SIPA1L2: variants seen among roughly 807,000 people sequenced by gnomAD.
SIPA1L2 encodes signal-induced proliferation-associated 1-like protein 2.
Under a neutral mutation model 163.9 loss-of-function variants are expected in SIPA1L2, and 56 were observed. The observed-to-expected ratio is 0.34, with a 90% CI of 0.28 to 0.43. The LOEUF (loss-of-function observed/expected upper bound fraction) is 0.43, where lower values mean the gene tolerates loss of function less well. SIPA1L2 is among the 20% of genes least tolerant of loss of function. The pLI is 1.00. For missense variants in SIPA1L2, 1,974 were observed against 2,193.5 expected (o/e 0.90, Z 2.00); for synonymous variants, 877 against 865.7 (o/e 1.01, Z -0.23).
At chr1:232,447,481 C>T (rs1536324) in intron 10 of SIPA1L2, among the ~76,000 whole-genome samples, 16,994 of 152,256 alleles carry the variant, frequency 0.11, 2,105 homozygotes, top group East Asian at 0.55. Context: ...GGATGGCAAG[C>T]CATGGTACAA....
At chr1:232,421,314 G>A (rs754770035) in intron 18 of SIPA1L2, among the ~76,000 whole-genome samples, 76 of 152,186 alleles carry the variant, frequency 5.0e-4, no homozygotes, top group Admixed American at 9.8e-4. Context: ...TCTGGCTTGC[G>A]CACCTGCTCA....
Position 232,445,700 on chromosome 1 carries a change from C to T in SIPA1L2, c.3182G>A (p.Arg1061Lys), listed in dbSNP as rs1167502799. Residue 1061 changes from arginine (R) to lysine (K), a missense_variant, in exon 11 of 23, where the codon AGG becomes AAG. Around this residue, in one of 3 missense-constraint regions of SIPA1L2, gnomAD observed 1,079 missense variants for 1,150.7 expected, o/e 0.94. Coordinates refer to ENST00000674635, the MANE Select transcript of SIPA1L2 (RefSeq NM_020808.5). The stretch of plus-strand genomic sequence containing the variant: ...CACCCGGTGCCACGTGGTGTTCCTC[C>T]TGAAGGGGGTTTTATACTCGCAGGG... ...GTPCEYKTPF[R>K]RNTTWHRVPT... 3 of 1,613,548 alleles carry T rather than the reference C, an allele frequency of 1.9e-6. No individual in the cohort carries two copies. Among genetic ancestry groups the T allele is most frequent in the Non-Finnish European group, 2.5e-6 (3 of 1,179,860 alleles).
intron 19 of SIPA1L2, among the ~76,000 whole-genome samples, chr1:232,412,311 G>A (rs903944505): frequency 6.6e-6 from 1 of 152,134 alleles, no homozygotes; most frequent in Non-Finnish European, 1.5e-5. Flanking sequence ...CAATCCAATA[G>A]GCAGGTAAAT....
At chr1:232,576,618 G>A (rs546112241) in intron 1 of SIPA1L2, among the ~76,000 whole-genome samples, 3 of 152,252 alleles carry the variant, frequency 2.0e-5, no homozygotes, top group Admixed American at 6.5e-5. Flanking sequence ...TAAAAAACCA[G>A]AAGCAATTAA....
At chr1:232,559,977 C>A (rs1011873101) in intron 2 of SIPA1L2, among the ~76,000 whole-genome samples, 1 of 152,172 alleles carries the variant, frequency 6.6e-6, no homozygotes, top group African/African-American at 2.4e-5. Context: ...CGTCTGGAAA[C>A]AAATTTCCTT....
At chr1:232,515,681 C>T (rs549533295) in intron 2 of SIPA1L2, 73 bp from the exon 3 acceptor site, 28 of 222,280 alleles carry the variant, frequency 1.3e-4, no homozygotes, top group Non-Finnish European at 1.9e-4. Flanking sequence ...TGATAAATTT[C>T]GTATCTGTCT....
At chr1:232,461,237 G>A in intron 9 of SIPA1L2, 76 bp from the exon 10 acceptor site, 1 of 1,550,748 alleles carries the variant, frequency 6.4e-7, no homozygotes, top group South Asian at 1.2e-5. Context: ...GTGCACGTAT[G>A]GGCCTCCATG....
At chr1:232,411,954 C>T (rs973841263) in intron 19 of SIPA1L2, among the ~76,000 whole-genome samples, 4 of 152,140 alleles carry the variant, frequency 2.6e-5, no homozygotes, top group Non-Finnish European at 4.4e-5. Context: ...GGTCTGGAAA[C>T]ACGCCTCCTT....
At chr1:232,597,679 A>G (rs1217906083) in intron 1 of SIPA1L2, among the ~76,000 whole-genome samples, 26 of 127,444 alleles carry the variant, frequency 2.0e-4, no homozygotes, top group East Asian at 4.5e-4. Context: ...GACAGAGCGA[A>G]ACTCTGTCTC....
chr1:232,477,148 A>G (rs1164147511), intron 7 of SIPA1L2, among the ~76,000 whole-genome samples: 1 of 152,196 alleles, frequency 6.6e-6, no homozygotes, highest in East Asian at 1.9e-4. Flanking sequence ...CTGTGATTGC[A>G]AAATATTAAA....
chr1:232,470,854 G>C (rs534980491), intron 8 of SIPA1L2, among the ~76,000 whole-genome samples: 23 of 152,328 alleles, frequency 1.5e-4, no homozygotes, highest in African/African-American at 4.3e-4. Context: ...TTTGGCTGCA[G>C]TTATTCCCTA....
At position 232,581,170 on chromosome 1, in the gene SIPA1L2, T is replaced by C. The variant is rs114477757; in HGVS notation, c.-318-6948A>G. Among the ~76,000 whole-genome samples, 1,313 of 152,338 alleles carry C rather than the reference T, an allele frequency of 8.6e-3. 20 individuals are homozygous for C. The highest frequency in any genetic ancestry group is 0.03 in the African/African-American group (1,248 of 41,572). On this transcript the variant is annotated intron_variant, in intron 1 of 22. Coordinates refer to ENST00000674635, the MANE Select transcript of SIPA1L2 (RefSeq NM_020808.5). ...CGTGTCCCTTTCCCACATTCCGTTC[T>C]GGTTCTTGTAAGGAACCATCCCTGC...
At chr1:232,501,296 C>G (rs1289067341) in intron 3 of SIPA1L2, among the ~76,000 whole-genome samples, 1 of 152,078 alleles carries the variant, frequency 6.6e-6, no homozygotes, top group Admixed American at 6.6e-5. Context: ...TAGTAGACTA[C>G]AGTATAAACA....
intron 3 of SIPA1L2, among the ~76,000 whole-genome samples, chr1:232,506,022 T>TA (rs1363868498): frequency 6.6e-6 from 1 of 152,244 alleles, no homozygotes; most frequent in Non-Finnish European, 1.5e-5. Flanking sequence ...ATTTGATATG[T>TA]AAAGGTGTAG....
chr1:232,627,556 C>T (rs938429401), intron 1 of SIPA1L2, among the ~76,000 whole-genome samples: 4 of 152,048 alleles, frequency 2.6e-5, no homozygotes, highest in African/African-American at 9.7e-5. Context: ...CCTTCCAAAT[C>T]CATATTACAC....
chr1:232,625,336 G>C lies in SIPA1L2; in HGVS notation c.-319+4533C>G, dbSNP rs140880933. 6.4e-3 allele frequency among the ~76,000 whole-genome samples: 981 copies of C among 152,298 alleles called. 8 individuals are homozygous for C. The highest frequency in any genetic ancestry group is 0.01 in the Non-Finnish European group (702 of 68,032). The stretch of plus-strand genomic sequence containing the variant: ...ATATAAAAGAGTCTGATCTAATAAT[G>C]TACAGACAGCATTTCTTTGGGAGGA... On this transcript the variant is annotated intron_variant, in intron 1 of 22. Transcript: ENST00000674635.
In SIPA1L2 at chr1:232,448,728, G is replaced by A. The variant is rs578210360; in HGVS notation, c.3096-2942C>T. On this transcript the variant is annotated intron_variant, in intron 10 of 22. Coordinates refer to ENST00000674635, the MANE Select transcript of SIPA1L2 (RefSeq NM_020808.5). ...ATGGTGCAGGGACGGTAAGCACCAAGCACTGCAAAAGGCCAAGTGACAAGG... is the reference window on the plus strand; with the variant it reads ...ATGGTGCAGGGACGGTAAGCACCAAACACTGCAAAAGGCCAAGTGACAAGG... Among the ~76,000 whole-genome samples, 21 of 152,292 alleles carry A rather than the reference G, an allele frequency of 1.4e-4. No homozygotes were observed. The East Asian group carries it at 3.5e-3, about 25-fold the overall frequency.
rs573913436 is a variant in SIPA1L2, at chr1:232,526,717, A to C, written c.-269-11109T>G. On this transcript the variant is annotated intron_variant, in intron 2 of 22. Transcript: ENST00000674635. ...CCCTGCCCTGAGTTGATAACCCTAAAATTAGACTTATTCTCCAAGGTGGGC... is the reference window on the plus strand; with the variant it reads ...CCCTGCCCTGAGTTGATAACCCTAACATTAGACTTATTCTCCAAGGTGGGC... 1.8e-4 allele frequency among the ~76,000 whole-genome samples: 27 copies of C among 152,224 alleles called. No homozygotes were observed. The South Asian group carries it at 5.2e-3, about 29-fold the overall frequency.
chr1:232,419,312 A>G (rs1186562657), intron 18 of SIPA1L2, among the ~76,000 whole-genome samples: 2 of 152,222 alleles, frequency 1.3e-5, no homozygotes, highest in Admixed American at 6.5e-5. Context: ...CATGAAAAAC[A>G]CATACATTTT....
Sources: gnomAD v4.1 joint callset for allele counts (sites outside exome capture counted in the v4.1 genomes callset) on GRCh38, gnomAD v4.1.1 for gene constraint, gnomAD v4.1.1 regional missense constraint, MANE v1.5 for transcripts, NCBI Gene and HGNC (gene_info 2026-07-23, HGNC 2026-07-21) for gene names.